Variants in SCRG1 observed in about 807,000 individuals in gnomAD.
SCRG1 encodes the protein scrapie-responsive protein 1.
SCRG1 carries 3 observed loss-of-function variants against 7.7 expected under a neutral mutation model. The ratio of observed to expected loss-of-function variants is 0.39; its 90% CI spans 0.18 to 1.01. SCRG1 has a LOEUF of 1.01. SCRG1 is among the 50% of genes least tolerant of loss of function. SCRG1 has a pLI of 0.36. For missense variants in SCRG1, 110 were observed against 117.2 expected (o/e 0.94, Z 0.28); for synonymous variants, 46 against 41.2 (o/e 1.12, Z -0.44).
intron 1 of SCRG1, among the ~76,000 whole-genome samples, chr4:173,396,312 G>T (rs1008867419): frequency 6.6e-5 from 10 of 152,176 alleles, no homozygotes; most frequent in Non-Finnish European, 2.9e-5. Flanking sequence ...ACAAATTTGA[G>T]AGTAATCAGG....
chr4:173,480,900 C>T, the SCRG1 span, among the ~76,000 whole-genome samples: 4 of 151,652 alleles, frequency 2.6e-5, no homozygotes, highest in African/African-American at 7.3e-5. Flanking sequence ...TATGGGTATG[C>T]ATTGTATTAT....
chr4:173,412,814 C>T, the SCRG1 span, among the ~76,000 whole-genome samples: 1 of 152,138 alleles, frequency 6.6e-6, no homozygotes, highest in African/African-American at 2.4e-5. Flanking sequence ...AGCTGGGTAC[C>T]AGAAGCAGCC....
chr4:173,489,945 C>T, the SCRG1 span, among the ~76,000 whole-genome samples: 5 of 152,030 alleles, frequency 3.3e-5, no homozygotes, highest in Admixed American at 2.0e-4. Context: ...AATAAAAAGA[C>T]GGAAAAATAT....
the SCRG1 span, among the ~76,000 whole-genome samples, chr4:173,491,073 T>C: frequency 1.3e-5 from 2 of 152,186 alleles, no homozygotes; most frequent in Non-Finnish European, 2.9e-5. Context: ...TTATCAGTAA[T>C]ACAGCTGACA....
the SCRG1 span, among the ~76,000 whole-genome samples, chr4:173,485,049 AATATATTATATATT>A: frequency 1.4e-4 from 4 of 29,444 alleles, no homozygotes; most frequent in African/African-American, 5.8e-4. Flanking sequence ...TATATTATAT[AATATATTATATATT>A]ATATATTATA....
At chr4:173,503,970 C>G in the SCRG1 span, among the ~76,000 whole-genome samples, 1 of 152,130 alleles carries the variant, frequency 6.6e-6, no homozygotes, top group African/African-American at 2.4e-5. The surrounding 1 kb of genome is among the most constrained non-coding windows in gnomAD (Gnocchi z 6.4). Context: ...TTCTGCCCAC[C>G]ATAAGCACGG....
the SCRG1 span, among the ~76,000 whole-genome samples, chr4:173,473,444 G>C: frequency 6.6e-6 from 1 of 152,168 alleles, no homozygotes; most frequent in African/African-American, 2.4e-5. Context: ...GGGTGTAGGC[G>C]ATGTGAGAGA....
At chr4:173,487,991 C>T in the SCRG1 span, among the ~76,000 whole-genome samples, 1 of 151,934 alleles carries the variant, frequency 6.6e-6, no homozygotes, top group Admixed American at 6.6e-5. Flanking sequence ...GTCCCAGCTA[C>T]TTGGGAGGCT....
In SCRG1 at chr4:173,388,195, A is replaced by C. The variant is rs1052954210; in HGVS notation, c.*146T>G. 4.0e-6 allele frequency: 2 copies of C among 506,156 alleles called. No individual in the cohort carries two copies. Among genetic ancestry groups the C allele is most frequent in the African/African-American group, 4.0e-5 (2 of 50,438 alleles). The allele number at this position is 506,156 out of a possible 1,614,324, so 31.4% of individuals were successfully genotyped here. A position where few individuals can be genotyped will look rare whatever the true frequency, so the allele number is the denominator to read the frequency against. ...AATTAACTTTTATTACTACTTGTTT[A>C]ACACAGATTTACTTGTCTTAGACAA... On this transcript the variant is annotated 3_prime_UTR_variant, in exon 3 of 3. Coordinates refer to ENST00000296506, the MANE Select transcript of SCRG1 (RefSeq NM_007281.4).
At chr4:173,446,752 T>C in the SCRG1 span, 1 of 152,232 alleles carries the variant, frequency 6.6e-6, no homozygotes. Flanking sequence ...GAAGCACATA[T>C]AAAGTACTTC....
At chr4:173,460,192 T>C in the SCRG1 span, among the ~76,000 whole-genome samples, 28 of 152,142 alleles carry the variant, frequency 1.8e-4, no homozygotes, top group Non-Finnish European at 3.2e-4. Flanking sequence ...ACTGAAGAGA[T>C]ACAAAAAACA....
At chr4:173,412,578 T>C in the SCRG1 span, among the ~76,000 whole-genome samples, 3 of 152,126 alleles carry the variant, frequency 2.0e-5, no homozygotes, top group African/African-American at 7.2e-5. Context: ...TGGCCCATGG[T>C]CACCAGCCCA....
chr4:173,424,897 T>TAAAATAAAATAAAATAAAA, the SCRG1 span, among the ~76,000 whole-genome samples: 2 of 130,790 alleles, frequency 1.5e-5, no homozygotes, highest in South Asian at 2.7e-4. Flanking sequence ...AGACTCCATC[T>TAAAATAAAATAAAATAAAA]TAAAATAAAA....
chr4:173,506,606 G>A, the SCRG1 span, among the ~76,000 whole-genome samples: 1 of 152,094 alleles, frequency 6.6e-6, no homozygotes, highest in South Asian at 2.1e-4. This position sits in a 1 kb window ranked among gnomAD's most constrained non-coding sequence, Gnocchi z 5.3. Context: ...CTTCCCTCCT[G>A]TCCTGAGGGT....
chr4:173,493,276 G>A, the SCRG1 span, among the ~76,000 whole-genome samples: 2 of 152,066 alleles, frequency 1.3e-5, no homozygotes, highest in African/African-American at 2.4e-5. Flanking sequence ...TTGTTTGAAG[G>A]TGTGTGGCAC....
intron 2 of SCRG1, among the ~76,000 whole-genome samples, chr4:173,388,869 A>G (rs987889136): frequency 2.0e-5 from 3 of 152,242 alleles, no homozygotes; most frequent in Non-Finnish European, 4.4e-5. Flanking sequence ...TGCATGGAAT[A>G]ATACAAAATT....
chr4:173,483,530 G>A, the SCRG1 span, among the ~76,000 whole-genome samples: 1,254 of 18,332 alleles, frequency 0.068, 242 homozygotes, highest in Non-Finnish European at 0.11. Flanking sequence ...ATTATATATT[G>A]TATTATGATA....
chr4:173,484,338 C>G, the SCRG1 span, among the ~76,000 whole-genome samples: 2 of 26,688 alleles, frequency 7.5e-5, no homozygotes, highest in Admixed American at 1.3e-3. Context: ...ATATATTTAA[C>G]ATATTATATA....
the SCRG1 span, among the ~76,000 whole-genome samples, chr4:173,465,227 A>G: frequency 6.6e-6 from 1 of 152,220 alleles, no homozygotes; most frequent in Non-Finnish European, 1.5e-5. Flanking sequence ...ACTTAAAAAT[A>G]GTGAAAATGG....
Sources: gnomAD v4.1 joint callset for allele counts (sites outside exome capture counted in the v4.1 genomes callset) on GRCh38, gnomAD v4.1.1 for gene constraint, Gnocchi (gnomAD v3.1) non-coding constraint, MANE v1.5 for transcripts, NCBI Gene and HGNC (gene_info 2026-07-23, HGNC 2026-07-21) for gene names.